SLC4A4: variants seen among roughly 807,000 people sequenced by gnomAD.
SLC4A4 encodes the protein solute carrier family 4 member 4.
Under a neutral mutation model 111.5 loss-of-function variants are expected in SLC4A4, and 27 were observed. The ratio of observed to expected loss-of-function variants is 0.24; its 90% CI spans 0.18 to 0.33. The LOEUF is 0.33. SLC4A4 is among the 10% of genes least tolerant of loss of function. The pLI, the probability that SLC4A4 is intolerant of heterozygous loss-of-function variation, is 1.00. For synonymous variants in SLC4A4, 443 were observed against 463.4 expected (o/e 0.96, Z 0.57); for missense variants, 909 against 1,315.5 (o/e 0.69, Z 4.78).
intron 12 of SLC4A4, among the ~76,000 whole-genome samples, chr4:71,465,635 T>C (rs1020464651): frequency 4.0e-5 from 6 of 151,780 alleles, no homozygotes; most frequent in African/African-American, 9.7e-5. Flanking sequence ...CTTGAAAGCA[T>C]TGGTCCTGAG....
intron 3 of SLC4A4, among the ~76,000 whole-genome samples, chr4:71,334,704 G>T (rs966013182): frequency 1.3e-5 from 2 of 152,166 alleles, no homozygotes; most frequent in African/African-American, 4.8e-5. Flanking sequence ...AAGGGGTTAG[G>T]CATGGTACCT....
Position 71,160,943 on chromosome 4 carries a change from C to T in SLC4A4, c.-2+68151C>T, listed in dbSNP as rs73826354. On this transcript the variant is annotated intron_variant, in intron 2 of 26. Coordinates refer to the SLC4A4 transcript ENST00000649996. ...ACGTGTTGGAGAAGTAGGTTACCTT[C>T]AATAATAAATATCCTCCAGATAAAT... 4.9e-3 allele frequency among the ~76,000 whole-genome samples: 748 copies of T among 152,242 alleles called. 6 individuals are homozygous for T. Among genetic ancestry groups the T allele is most frequent in the African/African-American group, 0.016 (678 of 41,528 alleles).
At chr4:71,360,341 ATTT>A (rs200864559) in intron 6 of SLC4A4, among the ~76,000 whole-genome samples, 1 of 149,260 alleles carries the variant, frequency 6.7e-6, no homozygotes, top group Non-Finnish European at 1.5e-5. Context: ...TGATTTTTAA[ATTT>A]TTTTTTTTGA....
chr4:71,531,040 G>C (rs1478462818), intron 16 of SLC4A4, among the ~76,000 whole-genome samples: 1 of 152,084 alleles, frequency 6.6e-6, no homozygotes, highest in African/African-American at 2.4e-5. Context: ...GGTATCCTTA[G>C]CACCAAGAAA....
chr4:71,559,999 T>C, intron 22 of SLC4A4, 94 bp from the exon 23 acceptor site: 1 of 929,096 alleles, frequency 1.1e-6, no homozygotes, highest in Non-Finnish European at 1.8e-6. Flanking sequence ...TTACACAAAG[T>C]AGGTTTCTGT....
intron 3 of SLC4A4, among the ~76,000 whole-genome samples, chr4:71,325,482 A>G (rs1355599659): frequency 6.6e-6 from 1 of 151,884 alleles, no homozygotes; most frequent in African/African-American, 2.4e-5. Flanking sequence ...GGCATTAGAA[A>G]CCTACATCTG....
intron 13 of SLC4A4, among the ~76,000 whole-genome samples, chr4:71,470,610 A>C (rs186586415): frequency 5.9e-5 from 9 of 152,154 alleles, no homozygotes; most frequent in African/African-American, 2.2e-4. Flanking sequence ...TTGTAATTTG[A>C]CAGATTGGTG....
intron 2 of SLC4A4, among the ~76,000 whole-genome samples, chr4:71,130,209 C>G (rs985763067): frequency 3.9e-5 from 6 of 152,130 alleles, no homozygotes; most frequent in African/African-American, 1.2e-4. Flanking sequence ...TCTTCAATTG[C>G]CAGAGTTCTC....
intron 3 of SLC4A4, among the ~76,000 whole-genome samples, chr4:71,336,219 G>C (rs1728424431): frequency 6.6e-6 from 1 of 152,152 alleles, no homozygotes; most frequent in South Asian, 2.1e-4. Flanking sequence ...AACACTGAAA[G>C]TGTACCTGTG....
chr4:71,114,529 A>G (rs1302245049), intron 2 of SLC4A4, among the ~76,000 whole-genome samples: 8 of 150,606 alleles, frequency 5.3e-5, no homozygotes, highest in Admixed American at 4.6e-4. Context: ...GGCGAAGGAC[A>G]TGAACAGACA....
chr4:71,332,871 A>G (rs982711937), intron 3 of SLC4A4, among the ~76,000 whole-genome samples: 18 of 152,204 alleles, frequency 1.2e-4, no homozygotes, highest in Admixed American at 2.6e-4. Flanking sequence ...TTTAAAAATT[A>G]TTTCAATCTC....
chr4:71,347,316 T>G (rs1729413834), intron 4 of SLC4A4, among the ~76,000 whole-genome samples: 1 of 152,202 alleles, frequency 6.6e-6, no homozygotes, highest in Non-Finnish European at 1.5e-5. Flanking sequence ...AGTTGAGGAT[T>G]GTCTGAGCCT....
In SLC4A4 at chr4:71,416,458, A is replaced by G. The variant is rs58521086; in HGVS notation, c.807+18805A>G. Among the ~76,000 whole-genome samples the G allele has an allele frequency of 2.3e-3, 354 of 152,314 alleles. 1 individual carries two copies. The highest frequency in any genetic ancestry group is 8.0e-3 in the African/African-American group (331 of 41,574). The stretch of plus-strand genomic sequence containing the variant: ...TCCTACTCTTGCTCTCTCACAAAAC[A>G]TCTTATTGTACTGAGTTCACTTATT... On this transcript the variant is annotated intron_variant, in intron 7 of 25. Coordinates refer to ENST00000264485, the MANE Select transcript of SLC4A4 (RefSeq NM_001098484.3).
chr4:71,557,160 G>A (rs537983281), intron 21 of SLC4A4, among the ~76,000 whole-genome samples: 41 of 152,096 alleles, frequency 2.7e-4, no homozygotes, highest in African/African-American at 9.1e-4. Flanking sequence ...ATTGCTGAGT[G>A]TATTAGTCAA....
intron 10 of SLC4A4, 29 bp downstream of exon 10, chr4:71,450,572 G>A (rs376792014): frequency 3.6e-5 from 57 of 1,603,606 alleles, no homozygotes; most frequent in Non-Finnish European, 4.6e-5. Flanking sequence ...ATAATTTTCA[G>A]TAGCTGAGAT....
chr4:71,379,147 C>T (rs959357559), intron 6 of SLC4A4, among the ~76,000 whole-genome samples: 1 of 152,126 alleles, frequency 6.6e-6, no homozygotes, highest in Non-Finnish European at 1.5e-5. Flanking sequence ...ACGTTATGAA[C>T]GCCACACATC....
intron 1 of SLC4A4, among the ~76,000 whole-genome samples, chr4:71,190,643 G>A (rs1468470194): frequency 1.3e-5 from 2 of 152,150 alleles, no homozygotes; most frequent in Admixed American, 1.3e-4. Flanking sequence ...TTAAGCATAG[G>A]AGTTCGAGGC....
intron 7 of SLC4A4, among the ~76,000 whole-genome samples, chr4:71,402,784 T>C (rs1292260762): frequency 6.6e-6 from 1 of 152,230 alleles, no homozygotes; most frequent in African/African-American, 2.4e-5. Flanking sequence ...GGGGAACTTG[T>C]GTAGCCATGC....
intron 2 of SLC4A4, among the ~76,000 whole-genome samples, chr4:71,241,716 A>G (rs1342120228): frequency 1.3e-5 from 2 of 152,220 alleles, no homozygotes; most frequent in African/African-American, 2.4e-5. Context: ...GTGTGTACAG[A>G]GGAAACTCTT....
Sources: allele counts gnomAD v4.1 joint callset (sites outside exome capture counted in the v4.1 genomes callset), GRCh38; gene constraint gnomAD v4.1.1; transcripts MANE v1.5; gene names NCBI Gene and HGNC (gene_info 2026-07-23, HGNC 2026-07-21).